BCR: variants seen among roughly 807,000 people sequenced by gnomAD.
The protein encoded by BCR is breakpoint cluster region protein.
BCR carries 58 observed loss-of-function variants against 138.6 expected under a neutral mutation model. That is an observed-to-expected ratio of 0.42 (90% confidence interval 0.34 to 0.52). The LOEUF is 0.52. Ranked by LOEUF, BCR falls within the 20% of genes least tolerant of loss-of-function variation. The probability of loss-of-function intolerance (pLI) is 0.06; values close to 1 mark genes in which losing one functional copy is unlikely to be tolerated. For synonymous variants in BCR, 786 were observed against 730.1 expected, an observed-to-expected ratio of 1.08 and a Z score of -1.23; for missense variants, 1,599 against 1,727.2, an observed-to-expected ratio of 0.93 and a Z score of 1.32.
intron 13 of BCR, chr22:23,289,859 C>G (rs2073764233): frequency 1.8e-6 from 1 of 569,214 alleles, no homozygotes; most frequent in South Asian, 2.1e-5. Context: ...GGCTTCTGTT[C>G]CTAGTCACAA....
intron 4 of BCR, chr22:23,263,264 G>A: frequency 1.8e-6 from 2 of 1,092,698 alleles, no homozygotes; most frequent in South Asian, 1.3e-5. Context: ...ACCTCGACAT[G>A]CGGGCCCTCG....
intron 1 of BCR, among the ~76,000 whole-genome samples, chr22:23,248,243 C>T (rs1387513932): frequency 6.6e-6 from 1 of 151,888 alleles, no homozygotes; most frequent in Non-Finnish European, 1.5e-5. Flanking sequence ...ACTTGGGAGG[C>T]CAAGGCAGGA....
chr22:23,297,977 G>T (rs1250528622), intron 16 of BCR, among the ~76,000 whole-genome samples: 1 of 152,176 alleles, frequency 6.6e-6, no homozygotes, highest in African/African-American at 2.4e-5. Context: ...ACCCCATCCC[G>T]GGGAAGAGGA....
chr22:23,255,797 G>A (rs989984897), intron 2 of BCR, among the ~76,000 whole-genome samples: 6 of 152,200 alleles, frequency 3.9e-5, no homozygotes, highest in African/African-American at 1.4e-4. Context: ...CCCTGCTTCT[G>A]CCCTCACAGG....
intron 1 of BCR, among the ~76,000 whole-genome samples, chr22:23,226,894 C>T (rs1442385411): frequency 1.3e-5 from 2 of 152,104 alleles, no homozygotes; most frequent in Non-Finnish European, 2.9e-5. Context: ...TGAAAGGGGC[C>T]AGAAGTCCTA....
intron 13 of BCR, 45 bp downstream of exon 13, chr22:23,289,666 A>T (rs1442957638): frequency 6.5e-7 from 1 of 1,532,182 alleles, no homozygotes; most frequent in Non-Finnish European, 9.0e-7. Context: ...CAGGGAGGGC[A>T]GGCAGCTAGC....
At chr22:23,207,856 G>A (rs1196453570) in intron 1 of BCR, among the ~76,000 whole-genome samples, 1 of 152,138 alleles carries the variant, frequency 6.6e-6, no homozygotes, top group Admixed American at 6.5e-5. Context: ...CTGCATGGAG[G>A]ATGGAGTGAG....
rs2072435173 is a variant in BCR, at chr22:23,193,078, G to A, written c.1279+10839G>A. Among the ~76,000 whole-genome samples the A allele has an allele frequency of 2.0e-5, 3 of 152,214 alleles. No individual in the cohort carries two copies. In the South Asian group the frequency reaches 6.2e-4, roughly 32 times the overall value. On this transcript the variant is annotated intron_variant, in intron 1 of 22. Transcript: ENST00000305877. ...GATCCTCTACTCAAGTGCCACTGTTGGCTCAAGAAGAGTTTTTGAAGATTC... is the reference window on the plus strand; with the variant it reads ...GATCCTCTACTCAAGTGCCACTGTTAGCTCAAGAAGAGTTTTTGAAGATTC...
chr22:23,225,739 C>A (rs1444841489), intron 1 of BCR, among the ~76,000 whole-genome samples: 1 of 152,214 alleles, frequency 6.6e-6, no homozygotes, highest in Non-Finnish European at 1.5e-5. Context: ...CTGTGCTTCT[C>A]CTGCATCCCA....
Position 23,285,075 on chromosome 22 carries a change from G to A in BCR, c.2280G>A (p.Thr760=), listed in dbSNP as rs373574637. 2.9e-5 allele frequency: 47 copies of A among 1,613,946 alleles called. No individual in the cohort carries two copies. Among genetic ancestry groups the A allele is most frequent in the Non-Finnish European group, 3.8e-5 (45 of 1,180,012 alleles). Residue 760 remains threonine (T), a synonymous_variant, in exon 10 of 23, where the codon ACG becomes ACA. Transcript: ENST00000305877. ...ACTGCAAATGGTACATTCCGCTCACGGATCTCAGCTTCCAGATGGTGGATG... is the reference window on the plus strand; with the variant it reads ...ACTGCAAATGGTACATTCCGCTCACAGATCTCAGCTTCCAGATGGTGGATG... ...QYDCKWYIPL[T]DLSFQMVDEL...
At chr22:23,203,826 A>G (rs2072582255) in intron 1 of BCR, among the ~76,000 whole-genome samples, 1 of 152,242 alleles carries the variant, frequency 6.6e-6, no homozygotes, top group African/African-American at 2.4e-5. Context: ...GCCAGATAGC[A>G]TTGTCCAGTT....
chr22:23,223,204 G>T (rs769897767), intron 1 of BCR, among the ~76,000 whole-genome samples: 40 of 152,166 alleles, frequency 2.6e-4, no homozygotes, highest in African/African-American at 6.0e-4. Context: ...TAGCACAAGG[G>T]GTGACACCTT....
At chr22:23,295,185 C>A (rs377130259) in intron 16 of BCR, 30 bp downstream of exon 16, 7 of 1,611,838 alleles carry the variant, frequency 4.3e-6, no homozygotes, top group African/African-American at 2.7e-5. Context: ...CCTCCCCTGC[C>A]CGATGCATGG....
intron 1 of BCR, among the ~76,000 whole-genome samples, chr22:23,183,500 C>G (rs1601985887): frequency 6.6e-6 from 1 of 152,206 alleles, no homozygotes. Flanking sequence ...CTGTGGTGCA[C>G]GGCTCCGACC....
chr22:23,301,939 T>C (rs970649094), intron 16 of BCR, among the ~76,000 whole-genome samples: 4 of 152,212 alleles, frequency 2.6e-5, no homozygotes, highest in African/African-American at 9.6e-5. Context: ...ACACAAGGAC[T>C]TCAATTTGTG....
chr22:23,224,311 G>T (rs1437907341), intron 1 of BCR, among the ~76,000 whole-genome samples: 3 of 152,204 alleles, frequency 2.0e-5, no homozygotes, highest in Admixed American at 2.0e-4. Context: ...GGTCCAGGTG[G>T]TGGTGATGGC....
At chr22:23,259,729 G>A (rs1329028601) in intron 2 of BCR, among the ~76,000 whole-genome samples, 1 of 152,088 alleles carries the variant, frequency 6.6e-6, no homozygotes, top group Admixed American at 6.5e-5. Context: ...GTTGGCCAAG[G>A]CTGGTGATCT....
chr22:23,313,452 C>G (rs113198740), intron 20 of BCR, among the ~76,000 whole-genome samples: 837 of 138,356 alleles, frequency 6.0e-3, no homozygotes, highest in Middle Eastern at 0.011. Flanking sequence ...CCTGTGGCCT[C>G]TGCATCACCC....
intron 1 of BCR, among the ~76,000 whole-genome samples, chr22:23,205,661 T>C (rs973479694): frequency 2.0e-5 from 3 of 150,270 alleles, no homozygotes; most frequent in Admixed American, 6.6e-5. Flanking sequence ...TTTTTTTTTT[T>C]ACTTTACTCT....
Sources: gnomAD v4.1 joint callset for allele counts (sites outside exome capture counted in the v4.1 genomes callset) on GRCh38, gnomAD v4.1.1 for gene constraint, MANE v1.5 for transcripts, NCBI Gene and HGNC (gene_info 2026-07-23, HGNC 2026-07-21) for gene names.